Variants in NFS1 observed in about 807,000 individuals in gnomAD.
NFS1 encodes cysteine desulfurase.
A neutral mutation model predicts 57.3 loss-of-function variants in NFS1; 26 were observed. The ratio of observed to expected loss-of-function variants is 0.45; its 90% CI spans 0.33 to 0.63. The LOEUF (loss-of-function observed/expected upper bound fraction) is 0.63, where lower values mean the gene tolerates loss of function less well. Among genes scored for constraint, NFS1 ranks in the 20% least tolerant of loss-of-function variants. The pLI, the probability that NFS1 is intolerant of heterozygous loss-of-function variation, is 0.02. For missense variants in NFS1, 505 were observed against 605.8 expected (o/e 0.83, Z 1.75); for synonymous variants, 209 against 216.3 (o/e 0.97, Z 0.30).
rs769594155 is a variant in NFS1 at position 35,672,705 on chromosome 20, G to T, written c.1310+50C>A. On this transcript the variant is annotated intron_variant, in intron 12 of 12. Coordinates refer to ENST00000374092, the MANE Select transcript of NFS1 (RefSeq NM_021100.5). Reference sequence around the variant, plus strand: ...AACACATAGCCTAAGGACAAGAGGGGAGACAGTGCTAGAGTTTCTTCCAAA... The same window carrying T: ...AACACATAGCCTAAGGACAAGAGGGTAGACAGTGCTAGAGTTTCTTCCAAA... 3 of 1,263,806 alleles carry T rather than the reference G, an allele frequency of 2.4e-6. No individual in the cohort carries two copies. The South Asian group carries it at 3.6e-5, about 15-fold the overall frequency. 78.3% of individuals were successfully genotyped at this position (1,263,806 alleles called of 1,614,324 possible).
intron 10 of NFS1, 61 bp downstream of exon 10, chr20:35,674,289 T>A (rs764675788): frequency 1.6e-4 from 211 of 1,338,590 alleles, no homozygotes; most frequent in Middle Eastern, 1.4e-3. Flanking sequence ...GGAAGTTTAA[T>A]AGCCTGTATG....
intron 7 of NFS1, among the ~76,000 whole-genome samples, chr20:35,676,758 GAAAAAAAAA>G (rs746820595): frequency 1.1e-4 from 2 of 18,136 alleles, no homozygotes; most frequent in East Asian, 2.5e-3. Flanking sequence ...GAGAAAATCA[GAAAAAAAAA>G]AAAAAAAAAA....
At chr20:35,695,722 A>G (rs146464114) in intron 4 of NFS1, among the ~76,000 whole-genome samples, 39 of 152,270 alleles carry the variant, frequency 2.6e-4, no homozygotes, top group African/African-American at 8.9e-4. Flanking sequence ...GAAATCACAT[A>G]TATAACTTGT....
At chr20:35,698,999 A>G in intron 1 of NFS1, 193 bp downstream of exon 1, 1 of 1,322,142 alleles carries the variant, frequency 7.6e-7, no homozygotes, top group Admixed American at 3.8e-5. Context: ...CCTGTCGCGC[A>G]GGGTGCGAGG....
chr20:35,684,614 G>A (rs1430937337), intron 5 of NFS1, among the ~76,000 whole-genome samples: 1 of 150,852 alleles, frequency 6.6e-6, no homozygotes, highest in African/African-American at 2.5e-5. Flanking sequence ...GTGGAGCATG[G>A]TGGCAGACAC....
chr20:35,682,779 C>CAA (rs1430151155), intron 5 of NFS1: 4 of 121,650 alleles, frequency 3.3e-5, no homozygotes, highest in Non-Finnish European at 6.8e-5. Flanking sequence ...GACTCTGCCT[C>CAA]AAAAAAAAAA....
rs1485857711 is a variant in NFS1, at chr20:35,696,172, C to T, written c.408+205G>A. ...TTTGCTATCCAACTGCCTCACTCAA[C>T]TCAGACCAACAGCAGCAAAGACTTA... On this transcript the variant is annotated intron_variant, in intron 4 of 12. Coordinates refer to ENST00000374092, the MANE Select transcript of NFS1 (RefSeq NM_021100.5). Among the ~76,000 whole-genome samples, 3 of 151,716 alleles carry T rather than the reference C, an allele frequency of 2.0e-5. No individual in the cohort carries two copies. The East Asian group carries it at 5.8e-4, about 29-fold the overall frequency.
chr20:35,692,189 AAAAT>A (rs1010627039), intron 4 of NFS1: 82 of 236,850 alleles, frequency 3.5e-4, no homozygotes, highest in South Asian at 5.7e-4. Context: ...TCTGTCTCAA[AAAAT>A]AAATAAATAA....
chr20:35,695,695 G>C (rs1343064579), intron 4 of NFS1, among the ~76,000 whole-genome samples: 5 of 152,166 alleles, frequency 3.3e-5, no homozygotes, highest in African/African-American at 1.2e-4. Flanking sequence ...AAGGAAGGCT[G>C]AGAGGAGGAC....
intron 11 of NFS1, 56 bp downstream of exon 11, chr20:35,673,542 CAGG>C (rs1354351817): frequency 6.3e-6 from 9 of 1,434,328 alleles, no homozygotes; most frequent in Non-Finnish European, 8.8e-6. Flanking sequence ...AAAACTGTAA[CAGG>C]AGATGAAAAA....
chr20:35,678,688 G>A (rs896298606), intron 7 of NFS1, among the ~76,000 whole-genome samples: 5 of 151,950 alleles, frequency 3.3e-5, no homozygotes, highest in African/African-American at 1.2e-4. Context: ...GGGCGTCAGA[G>A]TAAGACTTTG....
chr20:35,676,583 T>TA (rs1221128692), intron 7 of NFS1, among the ~76,000 whole-genome samples: 79 of 140,370 alleles, frequency 5.6e-4, no homozygotes, highest in Non-Finnish European at 6.9e-4. Context: ...AGACTCTGTC[T>TA]AAAAAAAAAA....
At chr20:35,682,082 T>C in intron 5 of NFS1, 101 bp from the exon 6 acceptor site, 1 of 589,466 alleles carries the variant, frequency 1.7e-6, no homozygotes, top group Non-Finnish European at 3.2e-6. Flanking sequence ...TTATACTACA[T>C]ACCTATCTGA....
rs73616697 is a variant in NFS1 at position 35,685,936 on chromosome 20, A to C, written c.562-3955T>G. 5.6e-3 allele frequency among the ~76,000 whole-genome samples: 781 copies of C among 140,522 alleles called. 30 individuals are homozygous for C. In the East Asian group the frequency reaches 0.1, roughly 18 times the overall value. The allele number at this position is 140,522 out of a possible 152,430, so 92.2% of individuals were successfully genotyped here. A position where few individuals can be genotyped will look rare whatever the true frequency, so the allele number is the denominator to read the frequency against. On this transcript the variant is annotated intron_variant, in intron 5 of 12. Transcript: ENST00000374092. ...GGATTTCAAAATGAATTCTTTCTTT[A>C]TTTTTTTTTTGAGATGGAGTCTTGC...
chr20:35,686,608 G>A (rs913551462), intron 5 of NFS1, among the ~76,000 whole-genome samples: 2 of 152,008 alleles, frequency 1.3e-5, no homozygotes, highest in South Asian at 2.1e-4. Context: ...TCATGTCAAA[G>A]GAAATGGGAA....
chr20:35,696,717 C>T (rs2146441160), intron 3 of NFS1, among the ~76,000 whole-genome samples: 1 of 152,220 alleles, frequency 6.6e-6, no homozygotes, highest in East Asian at 1.9e-4. Context: ...TCCTGTAACC[C>T]CAGCACTTTG....
intron 5 of NFS1, 64 bp from the exon 6 acceptor site, chr20:35,682,045 A>G: frequency 1.1e-6 from 1 of 882,796 alleles, no homozygotes; most frequent in Non-Finnish European, 1.9e-6. Flanking sequence ...ATCAGAATAT[A>G]GGCAAACTTA....
chr20:35,680,673 C>A, intron 7 of NFS1, 64 bp downstream of exon 7: 1 of 1,355,970 alleles, frequency 7.4e-7, no homozygotes, highest in South Asian at 1.9e-5. Flanking sequence ...ATGACTGTGA[C>A]AAACATCTAT....
chr20:35,671,530 C>A (rs1359221447), intron 12 of NFS1, among the ~76,000 whole-genome samples: 1 of 152,138 alleles, frequency 6.6e-6, no homozygotes, highest in Non-Finnish European at 1.5e-5. Flanking sequence ...ACAACTGTGC[C>A]ACTGCACTCC....
Sources: allele counts gnomAD v4.1 joint callset (sites outside exome capture counted in the v4.1 genomes callset), GRCh38; gene constraint gnomAD v4.1.1; transcripts MANE v1.5; gene names NCBI Gene and HGNC (gene_info 2026-07-23, HGNC 2026-07-21).